The following CDH12 variants were observed in gnomAD, a reference collection of about 807,000 sequenced individuals.
CDH12 encodes the protein cadherin-12.
In CDH12, 41 loss-of-function variants were observed where a neutral mutation model predicts 74.1. The ratio of observed to expected loss-of-function variants is 0.55; its 90% CI spans 0.43 to 0.72. The LOEUF (loss-of-function observed/expected upper bound fraction) is 0.72, where lower values mean the gene tolerates loss of function less well. Ranked by LOEUF, CDH12 falls within the 30% of genes least tolerant of loss-of-function variation. The probability of loss-of-function intolerance (pLI) is 0.00; values close to 1 mark genes in which losing one functional copy is unlikely to be tolerated. For synonymous variants in CDH12, 399 were observed against 355.0 expected (o/e 1.12, Z -1.39); for missense variants, 945 against 977.2 (o/e 0.97, Z 0.44).
At chr5:22,631,330 G>A (rs1738573503) in intron 1 of CDH12, among the ~76,000 whole-genome samples, 1 of 152,144 alleles carries the variant, frequency 6.6e-6, no homozygotes, top group African/African-American at 2.4e-5. Flanking sequence ...AAAGACACAT[G>A]CATGTATATG....
chr5:22,394,325 A>G (rs1318183638), intron 3 of CDH12, among the ~76,000 whole-genome samples: 2 of 152,164 alleles, frequency 1.3e-5, no homozygotes, highest in Non-Finnish European at 2.9e-5. Flanking sequence ...AGACTGTTAT[A>G]GCAGACATAC....
rs1554007029 is a variant in CDH12, at chr5:22,831,351, T to TTGTGTGTGTGTGTGTG, written c.-523+21691_-523+21706dup. On this transcript the variant is annotated intron_variant, in intron 1 of 14. Transcript: ENST00000382254. ...CAAAGGAAGGTAGGGGTTTTGGAGT[T>TTGTGTGTGTGTGTGTG]TGTGTGTGTGTGTGTGTGTCTGTGT... Among the ~76,000 whole-genome samples the TTGTGTGTGTGTGTGTG allele has an allele frequency of 2.6e-4, 36 of 138,644 alleles. 1 individual carries two copies. Among genetic ancestry groups the TTGTGTGTGTGTGTGTG allele is most frequent in the African/African-American group, 3.9e-4 (14 of 35,994 alleles). 91.0% of individuals were successfully genotyped at this position (138,644 alleles called of 152,430 possible). A position where few individuals can be genotyped will look rare whatever the true frequency, so the allele number is the denominator to read the frequency against.
At chr5:22,255,441 A>G (rs570244133) in intron 3 of CDH12, among the ~76,000 whole-genome samples, 9 of 151,970 alleles carry the variant, frequency 5.9e-5, no homozygotes, top group African/African-American at 2.2e-4. Flanking sequence ...TAAAAATACA[A>G]TACTATATTT....
In CDH12 at chr5:22,059,352, T is replaced by C. The variant is rs1045268713; in HGVS notation, c.231+19094A>G. 7.6e-3 allele frequency among the ~76,000 whole-genome samples: 777 copies of C among 102,012 alleles called. 7 individuals carry two copies. The highest frequency in any genetic ancestry group is 0.013 in the African/African-American group (193 of 15,270). 66.9% of individuals were successfully genotyped at this position (102,012 alleles called of 152,430 possible). A position where few individuals can be genotyped will look rare whatever the true frequency, so the allele number is the denominator to read the frequency against. On this transcript the variant is annotated intron_variant, in intron 5 of 14. Coordinates refer to ENST00000382254, the MANE Select transcript of CDH12 (RefSeq NM_004061.5). The stretch of plus-strand genomic sequence containing the variant: ...TCTATCTATCATCTATCTATCTATC[T>C]ATCTATCTATCTATCTATCTATCTA...
At chr5:22,480,224 G>C (rs1216312002) in intron 2 of CDH12, among the ~76,000 whole-genome samples, 2 of 151,772 alleles carry the variant, frequency 1.3e-5, no homozygotes, top group Non-Finnish European at 2.9e-5. Context: ...TTTTCAAAAA[G>C]AGTTTTGGTT....
At chr5:22,702,269 A>C (rs754116375) in intron 1 of CDH12, among the ~76,000 whole-genome samples, 5 of 152,116 alleles carry the variant, frequency 3.3e-5, no homozygotes, top group Non-Finnish European at 7.4e-5. Flanking sequence ...AGTTAGGAGG[A>C]GGCCTAGACC....
intron 1 of CDH12, among the ~76,000 whole-genome samples, chr5:22,749,642 G>T (rs1416943406): frequency 6.6e-6 from 1 of 152,108 alleles, no homozygotes. Flanking sequence ...GGAAGGCAAT[G>T]GTATTCAAAT....
At chr5:21,845,928 G>C (rs1750141627) in intron 7 of CDH12, among the ~76,000 whole-genome samples, 1 of 152,074 alleles carries the variant, frequency 6.6e-6, no homozygotes, top group Non-Finnish European at 1.5e-5. Context: ...TGCAGACATA[G>C]ATAAGCAAGC....
At chr5:21,918,972 T>A (rs1754231411) in intron 6 of CDH12, among the ~76,000 whole-genome samples, 1 of 152,186 alleles carries the variant, frequency 6.6e-6, no homozygotes, top group African/African-American at 2.4e-5. Flanking sequence ...CTAAATTAGA[T>A]GCTTGAAAAG....
At chr5:22,817,933 G>A (rs571310171) in intron 1 of CDH12, among the ~76,000 whole-genome samples, 1 of 152,192 alleles carries the variant, frequency 6.6e-6, no homozygotes, top group East Asian at 1.9e-4. Context: ...TATATTCCAA[G>A]TAAACCCTAA....
At chr5:22,585,279 A>T (rs1470135947) in intron 1 of CDH12, among the ~76,000 whole-genome samples, 4 of 152,124 alleles carry the variant, frequency 2.6e-5, no homozygotes, top group Non-Finnish European at 4.4e-5. Flanking sequence ...CGTAACCGCC[A>T]CTTGCTTGAA....
intron 6 of CDH12, among the ~76,000 whole-genome samples, chr5:21,915,749 A>G (rs1206676916): frequency 6.6e-6 from 1 of 151,916 alleles, no homozygotes; most frequent in Non-Finnish European, 1.5e-5. Context: ...GCTCAAGAAA[A>G]CAGCAGGAGG....
intron 3 of CDH12, among the ~76,000 whole-genome samples, chr5:22,243,622 T>A (rs1752822355): frequency 6.6e-6 from 1 of 152,158 alleles, no homozygotes. Flanking sequence ...AATAGCAAAT[T>A]AGATGCTTTG....
At chr5:22,804,320 A>G (rs1748676767) in intron 1 of CDH12, among the ~76,000 whole-genome samples, 2 of 152,170 alleles carry the variant, frequency 1.3e-5, no homozygotes, top group African/African-American at 4.8e-5. Context: ...CAAAGTTTTT[A>G]TCTTCCCTCA....
chr5:22,344,737 T>C (rs1055790906), intron 3 of CDH12, among the ~76,000 whole-genome samples: 1 of 152,196 alleles, frequency 6.6e-6, no homozygotes, highest in African/African-American at 2.4e-5. Context: ...TTTTCCAGGA[T>C]CATTTTGTGT....
chr5:21,939,179 G>A (rs1166633653), intron 6 of CDH12, among the ~76,000 whole-genome samples: 1 of 151,228 alleles, frequency 6.6e-6, no homozygotes, highest in East Asian at 1.9e-4. Flanking sequence ...AATAAAAGTT[G>A]TACTAAATTT....
intron 6 of CDH12, among the ~76,000 whole-genome samples, chr5:21,952,034 T>A (rs1470277917): frequency 6.6e-6 from 1 of 152,198 alleles, no homozygotes; most frequent in Non-Finnish European, 1.5e-5. Flanking sequence ...CTGGATTTCA[T>A]TATTATTATT....
At chr5:22,488,383 G>A (rs1746696014) in intron 2 of CDH12, among the ~76,000 whole-genome samples, 1 of 152,108 alleles carries the variant, frequency 6.6e-6, no homozygotes, top group South Asian at 2.1e-4. Context: ...CAGTGTCATG[G>A]CTATCTTAAA....
At chr5:22,135,069 C>T (rs1232140035) in intron 4 of CDH12, among the ~76,000 whole-genome samples, 3 of 151,870 alleles carry the variant, frequency 2.0e-5, no homozygotes, top group African/African-American at 7.3e-5. Context: ...AAACAAATTG[C>T]ACCATAAAAG....
Sources: gnomAD v4.1 joint callset for allele counts (sites outside exome capture counted in the v4.1 genomes callset) on GRCh38, gnomAD v4.1.1 for gene constraint, MANE v1.5 for transcripts, NCBI Gene and HGNC (gene_info 2026-07-23, HGNC 2026-07-21) for gene names.